HS3ST3A1: variants seen among roughly 807,000 people sequenced by gnomAD.
HS3ST3A1 encodes heparan sulfate glucosamine 3-O-sulfotransferase 3A1.
In HS3ST3A1, 19 loss-of-function variants were observed where a neutral mutation model predicts 25.7. The ratio of observed to expected loss-of-function variants is 0.74; its 90% CI spans 0.52 to 1.08. The LOEUF is 1.08. Ranked by LOEUF, HS3ST3A1 falls within the 50% of genes least tolerant of loss-of-function variation. HS3ST3A1 has a pLI of 0.00. For synonymous variants in HS3ST3A1, 226 were observed against 278.6 expected, an observed-to-expected ratio of 0.81 and a Z score of 1.88; for missense variants, 459 against 594.3, an observed-to-expected ratio of 0.77 and a Z score of 2.37.
intron 1 of HS3ST3A1, among the ~76,000 whole-genome samples, chr17:13,585,288 C>T (rs1393078757): frequency 7.0e-6 from 1 of 143,568 alleles, no homozygotes; most frequent in African/African-American, 2.6e-5. Context: ...CAACCTCTGC[C>T]TCCCGGGTTC....
intron 1 of HS3ST3A1, among the ~76,000 whole-genome samples, chr17:13,585,840 GTTTTTTTTTTTTT>G (rs1207776880): frequency 1.1e-4 from 7 of 62,024 alleles, no homozygotes; most frequent in African/African-American, 6.0e-4. Flanking sequence ...CTCCTTCTGC[GTTTTTTTTTTTTT>G]TTTTTTTTTT....
intron 1 of HS3ST3A1, among the ~76,000 whole-genome samples, chr17:13,520,597 T>C (rs1906198917): frequency 6.6e-6 from 1 of 151,962 alleles, no homozygotes; most frequent in Admixed American, 6.6e-5. Flanking sequence ...TATGCAAATA[T>C]TTTCATTTCT....
chr17:13,560,816 C>T (rs1330631385), intron 1 of HS3ST3A1, among the ~76,000 whole-genome samples: 2 of 152,132 alleles, frequency 1.3e-5, no homozygotes, highest in Non-Finnish European at 2.9e-5. Flanking sequence ...ATGTTTTCTT[C>T]TTGTAAAAGA....
intron 1 of HS3ST3A1, among the ~76,000 whole-genome samples, chr17:13,554,492 G>C (rs1201356073): frequency 6.6e-6 from 1 of 152,194 alleles, no homozygotes; most frequent in African/African-American, 2.4e-5. Context: ...ACATCTGACA[G>C]CCGCTAGGCC....
intron 1 of HS3ST3A1, among the ~76,000 whole-genome samples, chr17:13,582,491 A>G: frequency 6.6e-6 from 1 of 152,176 alleles, no homozygotes; most frequent in East Asian, 1.9e-4. Context: ...AAATCAATAT[A>G]CTCATGTAGC....
chr17:13,522,362 T>C (rs370187847), intron 1 of HS3ST3A1, among the ~76,000 whole-genome samples: 60 of 152,340 alleles, frequency 3.9e-4, no homozygotes, highest in Admixed American at 1.2e-3. Context: ...CAATATTGTA[T>C]TGTATGCTTT....
At chr17:13,585,105 G>C (rs1350917319) in intron 1 of HS3ST3A1, among the ~76,000 whole-genome samples, 1 of 144,912 alleles carries the variant, frequency 6.9e-6, no homozygotes, top group Non-Finnish European at 1.5e-5. Context: ...GGAAATGTAA[G>C]TTAGAGCAAA....
rs190196069 is a variant in HS3ST3A1 at position 13,573,365 on chromosome 17, C to A, written c.599+27166G>T. Among the ~76,000 whole-genome samples, 455 of 152,274 alleles carry A rather than the reference C, an allele frequency of 3.0e-3. 1 individual carries two copies. Among genetic ancestry groups the A allele is most frequent in the African/African-American group, 0.01 (430 of 41,540 alleles). On this transcript the variant is annotated intron_variant, in intron 1 of 1. Coordinates refer to ENST00000284110, the MANE Select transcript of HS3ST3A1 (RefSeq NM_006042.3). ...CCAAGCCTCCATTTGTAGTGTTATG[C>A]CTGTCTCATGGAAGGTTCCACCTAG... is the stretch of plus-strand genomic sequence containing the variant.
chr17:13,538,770 C>A (rs781279461), intron 1 of HS3ST3A1, among the ~76,000 whole-genome samples: 1 of 151,894 alleles, frequency 6.6e-6, no homozygotes. Context: ...TCAGGGGACA[C>A]GAAAGCAGGA....
intron 1 of HS3ST3A1, among the ~76,000 whole-genome samples, chr17:13,593,172 T>C (rs1291489666): frequency 6.8e-6 from 1 of 148,108 alleles, no homozygotes; most frequent in Non-Finnish European, 1.5e-5. Context: ...GCTCTGGCCC[T>C]ATCTATTTTC....
intron 1 of HS3ST3A1, among the ~76,000 whole-genome samples, chr17:13,560,185 G>T (rs541253388): frequency 6.7e-6 from 1 of 148,654 alleles, no homozygotes; most frequent in African/African-American, 2.5e-5. Flanking sequence ...AGCTACTCGC[G>T]AGGCTGAGGC....
At chr17:13,567,963 G>A (rs113465841) in intron 1 of HS3ST3A1, among the ~76,000 whole-genome samples, 19 of 152,190 alleles carry the variant, frequency 1.2e-4, no homozygotes, top group Non-Finnish European at 2.2e-4. Flanking sequence ...AAGGAAGTTC[G>A]ACTGGAGGTA....
chr17:13,515,124 T>C (rs891810477), intron 1 of HS3ST3A1, among the ~76,000 whole-genome samples: 2 of 152,186 alleles, frequency 1.3e-5, no homozygotes, highest in African/African-American at 2.4e-5. Context: ...TGTTCTAGAA[T>C]AGGAAATTTC....
rs201381777 is a variant in HS3ST3A1, at chr17:13,601,011, T to C, written c.119A>G (p.Tyr40Cys). Reference protein sequence around the residue: ...CSLLTSLYVFYCLAERCQTLS... With the variant: ...CSLLTSLYVFCCLAERCQTLS... Reference sequence around the variant, plus strand: ...GGTCTGGCAGCGCTCGGCCAGGCAGTAGAAGACGTAAAGGGACGTGAGCAG... The same window carrying C: ...GGTCTGGCAGCGCTCGGCCAGGCAGCAGAAGACGTAAAGGGACGTGAGCAG... The change falls in exon 1 of 2, where the codon TAC (tyrosine) becomes TGC (cysteine). Residue 40 changes from tyrosine (Y) to cysteine (C), a missense_variant. This residue lies in a region of HS3ST3A1 where 346 missense variants were observed against 303.9 expected (regional missense o/e 1.14). Coordinates refer to ENST00000284110, the MANE Select transcript of HS3ST3A1 (RefSeq NM_006042.3). The C allele has an allele frequency of 1.9e-6, 3 of 1,586,084 alleles. No individual in the cohort carries two copies. The highest frequency in any genetic ancestry group is 2.6e-6 in the Non-Finnish European group (3 of 1,166,544).
chr17:13,584,322 G>A (rs376183267), intron 1 of HS3ST3A1, among the ~76,000 whole-genome samples: 5 of 151,834 alleles, frequency 3.3e-5, no homozygotes, highest in South Asian at 2.1e-4. Context: ...AAATGTTCAC[G>A]AAAATTAAAC....
At chr17:13,595,896 T>C (rs1163564792) in intron 1 of HS3ST3A1, among the ~76,000 whole-genome samples, 1 of 152,104 alleles carries the variant, frequency 6.6e-6, no homozygotes, top group Non-Finnish European at 1.5e-5. Flanking sequence ...GAGTTTTGTT[T>C]GCTCTGCAAC....
Position 13,601,157 on chromosome 17 carries a change from C to A in HS3ST3A1, c.-28G>T. The A allele has an allele frequency of 6.8e-7, 1 of 1,479,462 alleles. No homozygotes were observed. Among genetic ancestry groups the A allele is most frequent in the Non-Finnish European group, 9.0e-7 (1 of 1,115,168 alleles). The allele number at this position is 1,479,462 out of a possible 1,614,324, so 91.6% of individuals were successfully genotyped here. On this transcript the variant is annotated 5_prime_UTR_variant, in exon 1 of 2. Coordinates refer to ENST00000284110, the MANE Select transcript of HS3ST3A1 (RefSeq NM_006042.3). ...TAGCCGGAGGCGACGTCGGGCAACG[C>A]GCCGGCCATGCTAGGCCTGGACCCC...
At chr17:13,591,457 C>T (rs1598435409) in intron 1 of HS3ST3A1, among the ~76,000 whole-genome samples, 1 of 152,070 alleles carries the variant, frequency 6.6e-6, no homozygotes, top group African/African-American at 2.4e-5. Flanking sequence ...TTGAATGACA[C>T]AAGATTTCTA....
intron 1 of HS3ST3A1, among the ~76,000 whole-genome samples, chr17:13,594,002 C>A (rs1210654687): frequency 6.6e-6 from 1 of 152,146 alleles, no homozygotes; most frequent in African/African-American, 2.4e-5. Context: ...TCTGGGATAG[C>A]TTAGCGGTCT....
Sources: allele counts gnomAD v4.1 joint callset (sites outside exome capture counted in the v4.1 genomes callset), GRCh38; gene constraint gnomAD v4.1.1; regional missense constraint gnomAD v4.1.1; transcripts MANE v1.5; gene names NCBI Gene and HGNC (gene_info 2026-07-23, HGNC 2026-07-21).